Variants in USP37 observed in about 807,000 individuals in gnomAD.
USP37 encodes ubiquitin specific peptidase 37.
Under a neutral mutation model 124.0 loss-of-function variants are expected in USP37, and 27 were observed. The observed-to-expected ratio is 0.22, with a 90% CI of 0.16 to 0.30. USP37 has a LOEUF of 0.30. Ranked by LOEUF, USP37 falls within the 10% of genes least tolerant of loss-of-function variation. The pLI, the probability that USP37 is intolerant of heterozygous loss-of-function variation, is 1.00. For missense variants in USP37, 889 were observed against 1,140.4 expected (o/e 0.78, Z 3.17); for synonymous variants, 365 against 388.0 (o/e 0.94, Z 0.70).
chr2:218,476,004 A>AGTTGGT (rs1690953221), intron 19 of USP37, among the ~76,000 whole-genome samples: 1 of 152,280 alleles, frequency 6.6e-6, no homozygotes, highest in African/African-American at 2.4e-5. Flanking sequence ...TTCTCATTCA[A>AGTTGGT]GTTGAACAAC....
chr2:218,536,761 G>A (rs1420907640), intron 8 of USP37, among the ~76,000 whole-genome samples: 1 of 152,154 alleles, frequency 6.6e-6, no homozygotes, highest in Non-Finnish European at 1.5e-5. Context: ...ATCTACAACA[G>A]CTGGTACTAA....
At chr2:218,483,807 C>T (rs1691391729) in intron 16 of USP37, among the ~76,000 whole-genome samples, 1 of 152,144 alleles carries the variant, frequency 6.6e-6, no homozygotes, top group Non-Finnish European at 1.5e-5. Flanking sequence ...TTCTTCCTCC[C>T]ACCTTCCTGG....
intron 20 of USP37, among the ~76,000 whole-genome samples, chr2:218,466,581 T>C (rs142957754): frequency 4.1e-4 from 62 of 152,280 alleles, no homozygotes; most frequent in Non-Finnish European, 7.3e-4. Context: ...AAAAGTTAAT[T>C]AATCATCAGA....
At chr2:218,558,784 T>C in intron 3 of USP37, 107 bp from the exon 4 acceptor site, 2 of 828,214 alleles carry the variant, frequency 2.4e-6, no homozygotes, top group Non-Finnish European at 3.7e-6. Flanking sequence ...ATGCATTTCT[T>C]CTGCGCCTTC....
intron 24 of USP37, among the ~76,000 whole-genome samples, chr2:218,456,534 C>T (rs1689711095): frequency 6.6e-6 from 1 of 151,708 alleles, no homozygotes; most frequent in Non-Finnish European, 1.5e-5. Flanking sequence ...ATATGCTACA[C>T]TGGTACACCA....
rs1253499485 is a variant in USP37 at position 218,476,872 on chromosome 2, C to G, written c.2011G>C (p.Gly671Arg). ...ALSQRLCEML[G>R]NEQQQEDLEK... ...AGGTCTTCCTGCTGCTGTTCGTTGC[C>G]TAACATTTCACAAAGTCTCTGGCTG... The change falls in exon 19 of 26, where the codon GGC (glycine) becomes CGC (arginine). Residue 671 changes from glycine to arginine, a missense_variant. Transcript: ENST00000258399. 1 of 1,605,062 alleles carries G rather than the reference C, an allele frequency of 6.2e-7. No homozygotes were observed. Among genetic ancestry groups the G allele is most frequent in the Non-Finnish European group, 8.5e-7 (1 of 1,176,814 alleles).
chr2:218,532,442 G>A (rs1419634088), intron 9 of USP37, among the ~76,000 whole-genome samples: 2 of 147,788 alleles, frequency 1.4e-5, no homozygotes, highest in Non-Finnish European at 3.0e-5. Context: ...ACTCCAGCCT[G>A]GGCGACAGAG....
At chr2:218,499,777 T>G (rs1041268061) in intron 11 of USP37, among the ~76,000 whole-genome samples, 1 of 152,134 alleles carries the variant, frequency 6.6e-6, no homozygotes, top group African/African-American at 2.4e-5. Context: ...CTCCCTACCC[T>G]GGGTTGTTTT....
chr2:218,478,965 T>C (rs1468055608), intron 18 of USP37, among the ~76,000 whole-genome samples: 1 of 152,180 alleles, frequency 6.6e-6, no homozygotes, highest in Non-Finnish European at 1.5e-5. Context: ...CAAAAATGTC[T>C]CTTCTCTAAA....
At chr2:218,523,577 G>C (rs1320693975) in intron 10 of USP37, among the ~76,000 whole-genome samples, 1 of 151,962 alleles carries the variant, frequency 6.6e-6, no homozygotes, top group African/African-American at 2.4e-5. Flanking sequence ...TGGCGGGGGG[G>C]TCTTTTTTCA....
Position 218,498,034 on chromosome 2 carries a change from T to G in USP37, c.1149A>C (p.Ala383=). ...GIPWKKIPLN[A]LIRRFAHLLV... The stretch of plus-strand genomic sequence containing the variant: ...CAGTACATAATGATTACCTGATAAG[T>G]GCATTGAGTGGAATTTTCTTCCATG... The change falls in exon 12 of 26, where the codon GCA becomes GCC. Residue 383 remains alanine (A), a synonymous_variant. Transcript: ENST00000258399. 2 of 1,607,504 alleles carry G rather than the reference T, an allele frequency of 1.2e-6. No homozygotes were observed. Among genetic ancestry groups the G allele is most frequent in the South Asian group, 1.1e-5 (1 of 89,684 alleles).
At chr2:218,481,683 C>CTTTTTTTT (rs71403043) in intron 17 of USP37, among the ~76,000 whole-genome samples, 3 of 134,474 alleles carry the variant, frequency 2.2e-5, no homozygotes, top group Non-Finnish European at 3.2e-5. Context: ...CTTTTCTTTT[C>CTTTTTTTT]TTTTTTTTTT....
At chr2:218,489,813 T>C (rs1691821728) in intron 14 of USP37, among the ~76,000 whole-genome samples, 1 of 152,114 alleles carries the variant, frequency 6.6e-6, no homozygotes. Context: ...TCCAACACTA[T>C]AGATGTTCTG....
At chr2:218,513,266 A>G (rs1403131797) in intron 10 of USP37, among the ~76,000 whole-genome samples, 1 of 152,136 alleles carries the variant, frequency 6.6e-6, no homozygotes. Flanking sequence ...TCTGGGCTCA[A>G]GTGATACTCT....
rs763528341 is a variant in USP37, at chr2:218,534,710, T to G, written c.681-4A>C. Reference sequence around the variant, plus strand: ...ATCTGTCATGGCCTTGTTGTTCCTATAGTTAATAATTTTACATCAATATAG... The same window carrying G: ...ATCTGTCATGGCCTTGTTGTTCCTAGAGTTAATAATTTTACATCAATATAG... On this transcript the variant is annotated splice_polypyrimidine_tract_variant and splice_region_variant and intron_variant, in intron 8 of 25. Transcript: ENST00000258399. The G allele has an allele frequency of 6.3e-7, 1 of 1,579,388 alleles. No homozygotes were observed.
chr2:218,513,885 C>T (rs758979419), intron 10 of USP37, among the ~76,000 whole-genome samples: 4 of 152,142 alleles, frequency 2.6e-5, no homozygotes, highest in African/African-American at 9.7e-5. Flanking sequence ...TCGCGGCTCA[C>T]GGCAACCTCT....
chr2:218,546,662 G>A (rs888513483), intron 7 of USP37, among the ~76,000 whole-genome samples: 12 of 152,010 alleles, frequency 7.9e-5, no homozygotes, highest in African/African-American at 1.9e-4. Flanking sequence ...CTCATGATCC[G>A]CCCGCCTCAG....
chr2:218,526,557 T>C (rs1216934292), intron 10 of USP37, among the ~76,000 whole-genome samples: 1 of 152,164 alleles, frequency 6.6e-6, no homozygotes, highest in Non-Finnish European at 1.5e-5. Context: ...CATTTCTTTT[T>C]CTCCACAACT....
intron 10 of USP37, among the ~76,000 whole-genome samples, chr2:218,520,815 T>C (rs527873858): frequency 1.3e-5 from 2 of 152,310 alleles, no homozygotes; most frequent in Non-Finnish European, 2.9e-5. Flanking sequence ...GACATCAACT[T>C]GGTGAAGAGA....
Sources: allele counts gnomAD v4.1 joint callset (sites outside exome capture counted in the v4.1 genomes callset), GRCh38; gene constraint gnomAD v4.1.1; transcripts MANE v1.5; gene names NCBI Gene and HGNC (gene_info 2026-07-23, HGNC 2026-07-21).